Variants in SHANK2 observed in about 807,000 individuals in gnomAD.
SHANK2 encodes SH3 and multiple ankyrin repeat domains protein 2.
Under a neutral mutation model 133.7 loss-of-function variants are expected in SHANK2, and 43 were observed. That is an observed-to-expected ratio of 0.32 (90% confidence interval 0.25 to 0.41). The LOEUF (loss-of-function observed/expected upper bound fraction) is 0.41, where lower values mean the gene tolerates loss of function less well. SHANK2 is among the 10% of genes least tolerant of loss of function. The pLI, the probability that SHANK2 is intolerant of heterozygous loss-of-function variation, is 1.00. For missense variants in SHANK2, 1,994 were observed against 2,235.8 expected (o/e 0.89, Z 2.18); for synonymous variants, 1,017 against 952.8 (o/e 1.07, Z -1.24).
At position 70,742,519 on chromosome 11, in the gene SHANK2, C is replaced by T. The variant is rs559966534; in HGVS notation, c.1778-43756G>A. 1.8e-3 allele frequency among the ~76,000 whole-genome samples: 269 copies of T among 152,308 alleles called. 1 individual carries two copies. The Middle Eastern group carries it at 0.024, about 13-fold the overall frequency. On this transcript the variant is annotated intron_variant, in intron 14 of 25. Transcript: ENST00000601538. ...TACCCAGGCCAAGCTCTGAGAGGGA[C>T]GGGGAATCCTAAGCAGTCATCACAT...
chr11:71,058,077 G>A (rs1190389929), intron 9 of SHANK2, among the ~76,000 whole-genome samples: 2 of 151,276 alleles, frequency 1.3e-5, no homozygotes, highest in African/African-American at 4.9e-5. Context: ...GTATTTTTTT[G>A]TAGAGACGAG....
At chr11:71,133,279 TGGCC>T (rs1370969519) in intron 3 of SHANK2, among the ~76,000 whole-genome samples, 1 of 128,888 alleles carries the variant, frequency 7.8e-6, no homozygotes, top group Non-Finnish European at 1.7e-5. Flanking sequence ...GATGGATGGA[TGGCC>T]GGCCGGACGG....
chr11:70,881,390 AG>A (rs1418576525), intron 11 of SHANK2, among the ~76,000 whole-genome samples: 1 of 151,918 alleles, frequency 6.6e-6, no homozygotes, highest in Non-Finnish European at 1.5e-5. Context: ...TGGGTGAATC[AG>A]GGGTACAAGA....
chr11:71,144,580 G>A (rs1555106360), intron 3 of SHANK2, among the ~76,000 whole-genome samples: 1 of 152,124 alleles, frequency 6.6e-6, no homozygotes, highest in Admixed American at 6.5e-5. Flanking sequence ...TGTGTTAAGT[G>A]CCTGACATTT....
chr11:70,831,935 CT>C (rs1346150538), intron 11 of SHANK2, among the ~76,000 whole-genome samples: 4 of 152,364 alleles, frequency 2.6e-5, no homozygotes, highest in African/African-American at 7.2e-5. Flanking sequence ...TGGACACCCC[CT>C]GACCCTCAGT....
intron 16 of SHANK2, among the ~76,000 whole-genome samples, 164 bp downstream of exon 16, chr11:70,661,432 G>C (rs2061486484): frequency 6.6e-6 from 1 of 151,972 alleles, no homozygotes; most frequent in African/African-American, 2.4e-5. Context: ...TAGCAACTGA[G>C]TGCCCCCAGG....
chr11:71,177,936 T>C (rs557797294), intron 2 of SHANK2, among the ~76,000 whole-genome samples: 29 of 152,216 alleles, frequency 1.9e-4, no homozygotes, highest in Non-Finnish European at 4.0e-4. Context: ...ATGACACATT[T>C]GGTGAGTATG....
intron 14 of SHANK2, among the ~76,000 whole-genome samples, chr11:70,736,463 C>A (rs1946406647): frequency 6.6e-6 from 1 of 152,132 alleles, no homozygotes; most frequent in Admixed American, 6.5e-5. Flanking sequence ...GATACGTGTT[C>A]TTCTGAGAGT....
intron 25 of SHANK2, among the ~76,000 whole-genome samples, chr11:70,484,565 T>C (rs2058775942): frequency 6.6e-6 from 1 of 152,216 alleles, no homozygotes; most frequent in Non-Finnish European, 1.5e-5. Context: ...TATTTCTTTA[T>C]AGCAGTGCAA....
chr11:71,167,726 C>A (rs1286273938), intron 2 of SHANK2, among the ~76,000 whole-genome samples: 1 of 136,056 alleles, frequency 7.3e-6, no homozygotes, highest in Non-Finnish European at 1.6e-5. Flanking sequence ...GGGCTCCTCA[C>A]TTCCCAGTAG....
intron 2 of SHANK2, among the ~76,000 whole-genome samples, chr11:71,179,169 C>G (rs1953503712): frequency 6.6e-6 from 1 of 151,968 alleles, no homozygotes; most frequent in Admixed American, 6.5e-5. Context: ...AACACAGATG[C>G]AAAAAGTCAA....
At chr11:71,152,648 C>T (rs1395646647) in intron 2 of SHANK2, among the ~76,000 whole-genome samples, 1 of 152,178 alleles carries the variant, frequency 6.6e-6, no homozygotes, top group Non-Finnish European at 1.5e-5. Context: ...TGCTCCCAAA[C>T]CATGGTGCAG....
chr11:70,597,008 G>T (rs12800201), intron 17 of SHANK2, among the ~76,000 whole-genome samples: 19,698 of 151,962 alleles, frequency 0.13, 1,756 homozygotes, highest in Middle Eastern at 0.21. Context: ...GTGCTCGGGG[G>T]TGACTGGTCT....
intron 8 of SHANK2, among the ~76,000 whole-genome samples, chr11:71,085,936 TATTA>T (rs1951395632): frequency 1.2e-4 from 3 of 24,908 alleles, no homozygotes; most frequent in African/African-American, 6.9e-4. Flanking sequence ...AATTGTTATA[TATTA>T]ATATGTTATA....
intron 11 of SHANK2, among the ~76,000 whole-genome samples, chr11:70,824,607 C>T (rs1018940341): frequency 1.3e-5 from 2 of 152,146 alleles, no homozygotes; most frequent in East Asian, 1.9e-4. Context: ...CCACCACCCA[C>T]GAGAAAAACC....
chr11:70,568,650 C>CCCG lies in SHANK2; in HGVS notation c.2062-65720_2062-65719insCGG, dbSNP rs575894929. Among the ~76,000 whole-genome samples the CCCG allele has an allele frequency of 5.6e-5, 7 of 124,996 alleles. 1 individual carries two copies. The East Asian group carries it at 8.1e-4, about 15-fold the overall frequency. The allele number at this position is 124,996 out of a possible 152,430, so 82.0% of individuals were successfully genotyped here. A position where few individuals can be genotyped will look rare whatever the true frequency, so the allele number is the denominator to read the frequency against. On this transcript the variant is annotated intron_variant, in intron 17 of 25. Transcript: ENST00000601538. The stretch of plus-strand genomic sequence containing the variant: ...CCATGTGGGCAGCGGATTCCTGCCC[C>CCCG]CCCCGCCCACTTCCTCCCGGCCGGG...
At chr11:70,894,637 G>A (rs1949906558) in intron 11 of SHANK2, among the ~76,000 whole-genome samples, 1 of 152,174 alleles carries the variant, frequency 6.6e-6, no homozygotes, top group African/African-American at 2.4e-5. Flanking sequence ...GGATAAGGAA[G>A]CCACTTCACC....
intron 14 of SHANK2, among the ~76,000 whole-genome samples, chr11:70,725,056 TA>T (rs1334229704): frequency 1.3e-5 from 2 of 152,218 alleles, no homozygotes; most frequent in Non-Finnish European, 2.9e-5. Context: ...AAAGATTTTT[TA>T]AAGTATGTTT....
chr11:70,844,183 C>T (rs1302959705), intron 11 of SHANK2, among the ~76,000 whole-genome samples: 1 of 152,164 alleles, frequency 6.6e-6, no homozygotes, highest in Non-Finnish European at 1.5e-5. Flanking sequence ...GTTCTCCCTG[C>T]CACAGGCACC....
Sources: allele counts gnomAD v4.1 joint callset (sites outside exome capture counted in the v4.1 genomes callset), GRCh38; gene constraint gnomAD v4.1.1; transcripts MANE v1.5; gene names NCBI Gene and HGNC (gene_info 2026-07-23, HGNC 2026-07-21).